The following ENTREP2 variants were observed in gnomAD, a reference collection of about 807,000 sequenced individuals.
ENTREP2 encodes endosomal transmembrane epsin interactor 2.
chr15:29,323,319 T>C, the ENTREP2 span, among the ~76,000 whole-genome samples: 1 of 152,088 alleles, frequency 6.6e-6, no homozygotes, highest in Non-Finnish European at 1.5e-5. Context: ...TAATCAATCA[T>C]GCCTACACAA....
the ENTREP2 span, among the ~76,000 whole-genome samples, chr15:29,562,740 CTA>C: frequency 6.6e-6 from 1 of 151,910 alleles, no homozygotes; most frequent in African/African-American, 2.4e-5. Context: ...AGGGTTCTGT[CTA>C]TGTGTGTGTG....
the ENTREP2 span, among the ~76,000 whole-genome samples, chr15:29,444,455 CTTCT>C: frequency 4.0e-5 from 6 of 149,506 alleles, no homozygotes; most frequent in African/African-American, 7.3e-5. Context: ...CCACAGCTTC[CTTCT>C]TTTTTTTCTT....
chr15:29,125,053 A>G, the ENTREP2 span, among the ~76,000 whole-genome samples: 1 of 152,158 alleles, frequency 6.6e-6, no homozygotes, highest in African/African-American at 2.4e-5. Context: ...GAAGGGCTCC[A>G]GGCACCCTGG....
the ENTREP2 span, among the ~76,000 whole-genome samples, chr15:29,135,061 C>T: frequency 6.6e-6 from 1 of 151,978 alleles, no homozygotes; most frequent in East Asian, 1.9e-4. This position sits in a 1 kb window ranked among gnomAD's most constrained non-coding sequence, Gnocchi z 7.4. Context: ...TCTGGTCATG[C>T]TGTCATCTGC....
chr15:29,669,783 A>G, the ENTREP2 span, among the ~76,000 whole-genome samples: 2 of 152,196 alleles, frequency 1.3e-5, no homozygotes, highest in African/African-American at 4.8e-5. Context: ...TTACTTCCTC[A>G]GTGCATCTTA....
At chr15:29,627,344 A>C in the ENTREP2 span, among the ~76,000 whole-genome samples, 1 of 152,090 alleles carries the variant, frequency 6.6e-6, no homozygotes, top group Non-Finnish European at 1.5e-5. Flanking sequence ...AGACATCAAG[A>C]CCATCCTGGG....
the ENTREP2 span, chr15:29,123,777 G>T: frequency 1.0e-6 from 1 of 978,384 alleles, no homozygotes; most frequent in Non-Finnish European, 1.5e-6. Flanking sequence ...TGGGGCTGGC[G>T]CTCTGGGCAT....
the ENTREP2 span, among the ~76,000 whole-genome samples, chr15:29,415,261 TG>T: frequency 6.6e-6 from 1 of 152,154 alleles, no homozygotes; most frequent in Non-Finnish European, 1.5e-5. Context: ...AATAAAATAC[TG>T]GCAAACCGAA....
the ENTREP2 span, among the ~76,000 whole-genome samples, chr15:29,628,290 C>A: frequency 6.6e-6 from 1 of 152,184 alleles, no homozygotes; most frequent in Non-Finnish European, 1.5e-5. Context: ...AATGTCTATT[C>A]ATGTCCTTTG....
the ENTREP2 span, among the ~76,000 whole-genome samples, chr15:29,473,398 G>GT: frequency 7.9e-5 from 12 of 152,222 alleles, no homozygotes; most frequent in African/African-American, 2.9e-4. Context: ...GGCAGCTGCA[G>GT]TTCCCCCCAT....
the ENTREP2 span, among the ~76,000 whole-genome samples, chr15:29,302,084 CCT>C: frequency 2.0e-5 from 3 of 152,214 alleles, no homozygotes; most frequent in African/African-American, 7.2e-5. Context: ...TGCCCATTTC[CCT>C]GTTTTTTTCA....
chr15:29,533,208 A>T, the ENTREP2 span, among the ~76,000 whole-genome samples: 1 of 152,218 alleles, frequency 6.6e-6, no homozygotes, highest in Non-Finnish European at 1.5e-5. Context: ...CGAGGCCTCC[A>T]TTCTCTTGCA....
At chr15:29,318,080 T>G in the ENTREP2 span, among the ~76,000 whole-genome samples, 1 of 152,138 alleles carries the variant, frequency 6.6e-6, no homozygotes, top group African/African-American at 2.4e-5. Context: ...CTTCATATGT[T>G]GATGGAAAAT....
the ENTREP2 span, among the ~76,000 whole-genome samples, chr15:29,282,449 C>T: frequency 2.6e-5 from 4 of 152,190 alleles, no homozygotes; most frequent in African/African-American, 4.8e-5. Flanking sequence ...CAAAAACAGA[C>T]TAATACATCA....
the ENTREP2 span, among the ~76,000 whole-genome samples, chr15:29,357,836 G>T: frequency 3.4e-5 from 5 of 147,966 alleles, no homozygotes; most frequent in Non-Finnish European, 7.4e-5. Context: ...AAGAGAGCGA[G>T]ACTCTGAAAA....
chr15:29,309,101 T>G, the ENTREP2 span, among the ~76,000 whole-genome samples: 4 of 152,206 alleles, frequency 2.6e-5, no homozygotes, highest in Admixed American at 6.5e-5. Flanking sequence ...CCTATTAATC[T>G]GTCTTGTGTC....
the ENTREP2 span, among the ~76,000 whole-genome samples, chr15:29,474,315 G>C: frequency 3.4e-4 from 52 of 152,220 alleles, no homozygotes; most frequent in African/African-American, 1.2e-3. Flanking sequence ...GTCTCAGAAA[G>C]GCTGCGCCCG....
At chr15:29,269,415 C>A in the ENTREP2 span, 1 of 1,614,172 alleles carries the variant, frequency 6.2e-7, no homozygotes, top group East Asian at 2.2e-5. Flanking sequence ...GGTCTTTAAT[C>A]AGCAAGAACT....
the ENTREP2 span, chr15:29,268,764 T>TC: frequency 6.4e-7 from 1 of 1,574,058 alleles, no homozygotes; most frequent in Non-Finnish European, 8.6e-7. Flanking sequence ...CAGACCCTTG[T>TC]CCCGGGGGTC....
Sources: allele counts gnomAD v4.1 joint callset (sites outside exome capture counted in the v4.1 genomes callset), GRCh38; gene constraint gnomAD v4.1.1; non-coding constraint Gnocchi (gnomAD v3.1); transcripts MANE v1.5; gene names NCBI Gene and HGNC (gene_info 2026-07-23, HGNC 2026-07-21).